The following GABARAPL2 variants were observed in gnomAD, a reference collection of about 807,000 sequenced individuals.
The protein encoded by GABARAPL2 is GABA type A receptor associated protein like 2.
Under a neutral mutation model 16.9 loss-of-function variants are expected in GABARAPL2, and 11 were observed. The observed-to-expected ratio is 0.65, with a 90% CI of 0.41 to 1.08. The LOEUF is 1.08. GABARAPL2 is among the 50% of genes least tolerant of loss of function. The probability of loss-of-function intolerance (pLI) is 0.00; values close to 1 mark genes in which losing one functional copy is unlikely to be tolerated. For synonymous variants in GABARAPL2, 57 were observed against 50.7 expected (o/e 1.12, Z -0.53); for missense variants, 134 against 142.5 (o/e 0.94, Z 0.30).
At chr16:75,573,394 C>T (rs1265124666) in intron 3 of GABARAPL2, among the ~76,000 whole-genome samples, 4 of 152,186 alleles carry the variant, frequency 2.6e-5, no homozygotes, top group African/African-American at 9.7e-5. Context: ...CTTCATGGCA[C>T]CCAGTGAAGC....
chr16:75,568,237 C>G (rs1231814349), intron 3 of GABARAPL2, 28 bp downstream of exon 3: 2 of 1,527,216 alleles, frequency 1.3e-6, no homozygotes, highest in Non-Finnish European at 1.8e-6. Context: ...GATGGGCCCT[C>G]TGGTATTAGA....
chr16:75,573,998 C>T (rs915345563), intron 3 of GABARAPL2, among the ~76,000 whole-genome samples: 13 of 152,212 alleles, frequency 8.5e-5, no homozygotes, highest in Non-Finnish European at 1.8e-4. Context: ...TTTTTACTAT[C>T]AGCTTCTGTA....
At chr16:75,568,566 G>T (rs2080897192) in intron 3 of GABARAPL2, among the ~76,000 whole-genome samples, 1 of 152,168 alleles carries the variant, frequency 6.6e-6, no homozygotes. Flanking sequence ...TCCTCCACTG[G>T]GAGCCTGTGG....
intron 3 of GABARAPL2, among the ~76,000 whole-genome samples, chr16:75,570,571 A>C (rs1302965385): frequency 6.6e-6 from 1 of 152,150 alleles, no homozygotes; most frequent in Non-Finnish European, 1.5e-5. Flanking sequence ...CCGGTGACTG[A>C]CTGGTCTGCA....
chr16:75,566,808 C>T (rs901011346), intron 1 of GABARAPL2, 44 bp from the exon 2 acceptor site: 2 of 1,572,666 alleles, frequency 1.3e-6, no homozygotes, highest in African/African-American at 1.3e-5. Context: ...GGGAACCGAC[C>T]GGTGGGCAGG....
chr16:75,577,619 A>T lies in GABARAPL2; in HGVS notation c.*250A>T, dbSNP rs538589970. 1.8e-4 allele frequency: 67 copies of T among 371,912 alleles called. No individual in the cohort carries two copies. In the Admixed American group the frequency reaches 2.1e-3, roughly 12 times the overall value. The allele number at this position is 371,912 out of a possible 1,614,324, so 23.0% of individuals were successfully genotyped here. ...TCTCCAGGAAACTTGTCCTTCTGGA[A>T]ATCATATTGAATGATATTTCTATAT... On this transcript the variant is annotated 3_prime_UTR_variant, in exon 4 of 4. Transcript: ENST00000037243.
At chr16:75,576,085 C>T (rs915398017) in intron 3 of GABARAPL2, 5 of 152,160 alleles carry the variant, frequency 3.3e-5, no homozygotes, top group Non-Finnish European at 7.3e-5. Context: ...CCTTATTTTA[C>T]AAATTCCAGG....
At chr16:75,566,776 A>G in intron 1 of GABARAPL2, 76 bp from the exon 2 acceptor site, 1 of 1,339,188 alleles carries the variant, frequency 7.5e-7, no homozygotes, top group Non-Finnish European at 1.1e-6. Context: ...CGCAGGGCGC[A>G]GGAGGAGGAG....
chr16:75,577,539 C>T lies in GABARAPL2; in HGVS notation c.*170C>T, dbSNP rs2080957344. Reference sequence around the variant, plus strand: ...TTGTTTCCTTAGACTAGTAAATTATCATACAGAGTTTTATTTTGAGTTTTT... The same window carrying T: ...TTGTTTCCTTAGACTAGTAAATTATTATACAGAGTTTTATTTTGAGTTTTT... On this transcript the variant is annotated 3_prime_UTR_variant, in exon 4 of 4. Transcript: ENST00000037243. 3 of 547,168 alleles carry T rather than the reference C, an allele frequency of 5.5e-6. No individual in the cohort carries two copies. Among genetic ancestry groups the T allele is most frequent in the Non-Finnish European group, 6.5e-6 (2 of 306,482 alleles). 33.9% of individuals were successfully genotyped at this position (547,168 alleles called of 1,614,324 possible).
intron 3 of GABARAPL2, among the ~76,000 whole-genome samples, chr16:75,573,736 A>G (rs572659549): frequency 6.6e-6 from 1 of 152,350 alleles, no homozygotes; most frequent in South Asian, 2.1e-4. Context: ...AGATCTCTGC[A>G]GAAGGTACAA....
At chr16:75,566,785 AGGGCCGG>A in intron 1 of GABARAPL2, 60 bp from the exon 2 acceptor site, 1 of 1,426,130 alleles carries the variant, frequency 7.0e-7, no homozygotes, top group Admixed American at 1.7e-5. Context: ...CAGGAGGAGG[AGGGCCGG>A]GGGCCGGGAA....
intron 3 of GABARAPL2, chr16:75,576,615 C>T: frequency 6.6e-6 from 1 of 152,344 alleles, no homozygotes; most frequent in Non-Finnish European, 1.5e-5. Flanking sequence ...TAGTCTTACT[C>T]TGGAGCTGGT....
chr16:75,566,379 AGTCGCCGCCGTC>A lies in GABARAPL2; in HGVS notation c.-106_-95del. On this transcript the variant is annotated 5_prime_UTR_variant, in exon 1 of 4. Transcript: ENST00000037243. Reference sequence around the variant, plus strand: ...CAGCCGGAAGTCCCGCCTGCCGTGTAGTCGCCGCCGTCGCTGCCGCTGCCGCTGCCGCCGTCG... The same window carrying A: ...CAGCCGGAAGTCCCGCCTGCCGTGTAGCTGCCGCTGCCGCTGCCGCCGTCG... 1.3e-6 allele frequency: 1 copy of A among 791,500 alleles called. No homozygotes were observed. Among genetic ancestry groups the A allele is most frequent in the Non-Finnish European group, 2.1e-6 (1 of 475,060 alleles). 49.0% of individuals were successfully genotyped at this position (791,500 alleles called of 1,614,324 possible).
At chr16:75,575,387 C>T (rs1443359870) in intron 3 of GABARAPL2, among the ~76,000 whole-genome samples, 2 of 152,108 alleles carry the variant, frequency 1.3e-5, no homozygotes, top group Admixed American at 1.3e-4. Context: ...CCTCCACCTC[C>T]CAGGTTAAAG....
At chr16:75,567,477 A>C (rs1308716146) in intron 2 of GABARAPL2, among the ~76,000 whole-genome samples, 1 of 152,202 alleles carries the variant, frequency 6.6e-6, no homozygotes, top group Non-Finnish European at 1.5e-5. Context: ...ATTAATTTTT[A>C]ATGGACATTA....
intron 3 of GABARAPL2, chr16:75,576,032 A>C (rs143719241): frequency 6.6e-6 from 1 of 152,322 alleles, no homozygotes; most frequent in East Asian, 1.9e-4. Context: ...GGACATTTCA[A>C]TCAGAGCAGA....
chr16:75,576,195 T>C (rs993973215), intron 3 of GABARAPL2: 1 of 152,236 alleles, frequency 6.6e-6, no homozygotes, highest in Non-Finnish European at 1.5e-5. Flanking sequence ...TGTTACTTAA[T>C]AATTCTCATC....
intron 1 of GABARAPL2, 34 bp from the exon 2 acceptor site, chr16:75,566,818 G>A: frequency 6.3e-7 from 1 of 1,598,952 alleles, no homozygotes; most frequent in South Asian, 1.1e-5. Context: ...CGGTGGGCAG[G>A]CGCGGCCGTC....
intron 3 of GABARAPL2, among the ~76,000 whole-genome samples, chr16:75,568,693 C>T (rs543340118): frequency 9.2e-5 from 14 of 152,180 alleles, no homozygotes; most frequent in Admixed American, 2.0e-4. Context: ...AAAATGACTG[C>T]GGCACAGTAA....
Sources: gnomAD v4.1 joint callset for allele counts (sites outside exome capture counted in the v4.1 genomes callset) on GRCh38, gnomAD v4.1.1 for gene constraint, MANE v1.5 for transcripts, NCBI Gene and HGNC (gene_info 2026-07-23, HGNC 2026-07-21) for gene names.